Variants in POFUT2 observed in about 807,000 individuals in gnomAD.
POFUT2 encodes protein O-fucosyltransferase 2.
In POFUT2, 30 loss-of-function variants were observed where a neutral mutation model predicts 55.0. The observed-to-expected ratio is 0.55, with a 90% CI of 0.41 to 0.74. The LOEUF (loss-of-function observed/expected upper bound fraction) is 0.74, where lower values mean the gene tolerates loss of function less well. POFUT2 is among the 30% of genes least tolerant of loss of function. The pLI is 0.00. For missense variants in POFUT2, 524 were observed against 562.6 expected (o/e 0.93, Z 0.69); for synonymous variants, 267 against 231.1 (o/e 1.16, Z -1.41).
At chr21:45,283,342 G>C (rs762313884) in intron 3 of POFUT2, 41 bp downstream of exon 3, 3 of 1,229,048 alleles carry the variant, frequency 2.4e-6, no homozygotes, top group South Asian at 1.4e-5. Flanking sequence ...AGGGGGAGGT[G>C]GGGGGGCACC....
In POFUT2 at chr21:45,277,065, C is replaced by T. The variant is rs368658100; in HGVS notation, c.783G>A (p.Thr261=). Residue 261 remains threonine, a synonymous_variant, in exon 6 of 9, where the codon ACG becomes ACA. Coordinates refer to ENST00000349485, the MANE Select transcript of POFUT2 (RefSeq NM_133635.6). The surrounding 1 kb of genome is among the most constrained non-coding windows in gnomAD (Gnocchi z 6.9). ...DEFRSRHLNS[T]DDADRIPFQE... ...GGAAGGGGATCCTGTCTGCGTCGTC[C>T]GTGGAGTTGAGATGTCTGCTCCTGA... 48 of 1,614,098 alleles carry T rather than the reference C, an allele frequency of 3.0e-5. No homozygotes were observed. Among genetic ancestry groups the T allele is most frequent in the East Asian group, 4.5e-5 (2 of 44,876 alleles).
At position 45,267,684 on chromosome 21, in the gene POFUT2, C is replaced by T. The variant is rs368332928; in HGVS notation, c.1042G>A (p.Glu348Lys). ...EYEELKKLLP[E>K]MVRFEPTWEE... is the part of the protein sequence containing the mutation. ...CACGTGGGTTCAAACCTCACCATCT[C>T]GGGTAACAGCTTTTTTAGCTCTTCA... The change falls in exon 8 of 9, where the codon GAG becomes AAG. Residue 348 changes from glutamate to lysine, a missense_variant. Transcript: ENST00000349485. This position sits in a 1 kb window ranked among gnomAD's most constrained non-coding sequence, Gnocchi z 4.4. 2.4e-5 allele frequency: 39 copies of T among 1,614,032 alleles called. No homozygotes were observed. The highest frequency in any genetic ancestry group is 4.5e-5 in the East Asian group (2 of 44,886).
At position 45,264,911 on chromosome 21, in the gene POFUT2, T is replaced by G. The variant is rs1438778729; in HGVS notation, c.*571A>C. The G allele has an allele frequency of 1.3e-5, 2 of 152,318 alleles. No homozygotes were observed. The highest frequency in any genetic ancestry group is 2.9e-5 in the Non-Finnish European group (2 of 68,112). The allele number at this position is 152,318 out of a possible 1,614,324, so 9.4% of individuals were successfully genotyped here. ...CCCTGAGGCCTCAGGCCCTTTCCTT[T>G]GCAGCACCAGGTCTGCCTTGCACGC... On this transcript the variant is annotated 3_prime_UTR_variant, in exon 9 of 9. Transcript: ENST00000349485.
Position 45,267,584 on chromosome 21 carries a change from A to G in POFUT2, c.1136+6T>C, listed in dbSNP as rs2093168311. 6.2e-7 allele frequency: 1 copy of G among 1,614,184 alleles called. No individual in the cohort carries two copies. The highest frequency in any genetic ancestry group is 8.5e-7 in the Non-Finnish European group (1 of 1,180,044). On this transcript the variant is annotated splice_donor_region_variant and intron_variant, in intron 8 of 8. Coordinates refer to ENST00000349485, the MANE Select transcript of POFUT2 (RefSeq NM_133635.6). This position sits in a 1 kb window ranked among gnomAD's most constrained non-coding sequence, Gnocchi z 4.4. ...GCTCTCGGCCGACAGTGACGTGGGC[A>G]GGCACCTGGCGTGTGCGCAGATCCA...
Position 45,267,412 on chromosome 21 carries a change from T to A in POFUT2, c.1136+178A>T. 1 of 1,607,586 alleles carries A rather than the reference T, an allele frequency of 6.2e-7. No individual in the cohort carries two copies. The highest frequency in any genetic ancestry group is 8.5e-7 in the Non-Finnish European group (1 of 1,175,528). On this transcript the variant is annotated intron_variant, in intron 8 of 8. Transcript: ENST00000349485. This position sits in a 1 kb window ranked among gnomAD's most constrained non-coding sequence, Gnocchi z 4.4. Reference sequence around the variant, plus strand: ...AAAGGGGCAAGATGAACAATTAACTTCAGCCCAGGGAAACACTGAACCAGA... The same window carrying A: ...AAAGGGGCAAGATGAACAATTAACTACAGCCCAGGGAAACACTGAACCAGA...
Position 45,282,107 on chromosome 21 carries a change from C to T in POFUT2, c.638+242G>A, listed in dbSNP as rs528615137. ...CCCCTCCCTGTGCACCTGGCCGGGC[C>T]GAGCCCTCACCTCTGTGCCCCTCAC... On this transcript the variant is annotated intron_variant, in intron 4 of 8. Transcript: ENST00000349485. The surrounding 1 kb of genome is among the most constrained non-coding windows in gnomAD (Gnocchi z 4.6). Among the ~76,000 whole-genome samples, 1 of 151,908 alleles carries T rather than the reference C, an allele frequency of 6.6e-6. No individual in the cohort carries two copies. The highest frequency in any genetic ancestry group is 1.5e-5 in the Non-Finnish European group (1 of 67,918).
chr21:45,267,655 C>T lies in POFUT2; in HGVS notation c.1071G>A (p.Glu357=), dbSNP rs1390125915. 6.2e-7 allele frequency: 1 copy of T among 1,614,248 alleles called. No homozygotes were observed. The highest frequency in any genetic ancestry group is 8.5e-7 in the Non-Finnish European group (1 of 1,180,048). Residue 357 remains glutamate, a synonymous_variant, in exon 8 of 9, where the codon GAG becomes GAA. Transcript: ENST00000349485. This position sits in a 1 kb window ranked among gnomAD's most constrained non-coding sequence, Gnocchi z 4.4. ...CTCCGTCCTTGTAGAGCTCCAGCTC[C>T]TCCCACGTGGGTTCAAACCTCACCA... The part of the protein sequence containing the change: ...PEMVRFEPTW[E]ELELYKDGGV...
In POFUT2 at chr21:45,277,361, C is replaced by T. The variant is rs1278697728; in HGVS notation, c.706-219G>A. The T allele has an allele frequency of 5.2e-6, 3 of 571,474 alleles. No homozygotes were observed. The highest frequency in any genetic ancestry group is 9.1e-6 in the Non-Finnish European group (3 of 330,950). 35.4% of individuals were successfully genotyped at this position (571,474 alleles called of 1,614,324 possible). On this transcript the variant is annotated intron_variant, in intron 5 of 8. Coordinates refer to ENST00000349485, the MANE Select transcript of POFUT2 (RefSeq NM_133635.6). This position sits in a 1 kb window ranked among gnomAD's most constrained non-coding sequence, Gnocchi z 6.9. ...CGCAGGGCAAGCCGCCCACCCCTGCCGGCTCTGCCAGCCCCTGCCGTGGGA... is the reference window on the plus strand; with the variant it reads ...CGCAGGGCAAGCCGCCCACCCCTGCTGGCTCTGCCAGCCCCTGCCGTGGGA...
At chr21:45,279,428 T>G (rs1039892269) in intron 4 of POFUT2, among the ~76,000 whole-genome samples, 3 of 152,078 alleles carry the variant, frequency 2.0e-5, no homozygotes, top group Admixed American at 6.5e-5. Context: ...AACAAAAAAA[T>G]GTAATCTCTA....
intron 7 of POFUT2, among the ~76,000 whole-genome samples, chr21:45,268,615 G>A (rs1448378700): frequency 2.6e-5 from 4 of 151,304 alleles, no homozygotes; most frequent in African/African-American, 9.7e-5. Flanking sequence ...CTGAGATGTG[G>A]GGAGCGCCTC....
At position 45,285,366 on chromosome 21, in the gene POFUT2, C is replaced by A. The variant is rs1602235928; in HGVS notation, c.382+312G>T. On this transcript the variant is annotated intron_variant, in intron 2 of 8. Coordinates refer to ENST00000349485, the MANE Select transcript of POFUT2 (RefSeq NM_133635.6). This position sits in a 1 kb window ranked among gnomAD's most constrained non-coding sequence, Gnocchi z 4.9. ...CAGCCTTTCGCACAGGGAGCCGAGTCCTGTCACTATAACACCCAGGGGTGG... is the reference window on the plus strand; with the variant it reads ...CAGCCTTTCGCACAGGGAGCCGAGTACTGTCACTATAACACCCAGGGGTGG... The A allele has an allele frequency of 3.0e-5, 12 of 396,326 alleles. No individual in the cohort carries two copies. The East Asian group carries it at 6.3e-4, about 21-fold the overall frequency. 24.6% of individuals were successfully genotyped at this position (396,326 alleles called of 1,614,324 possible). A position where few individuals can be genotyped will look rare whatever the true frequency, so the allele number is the denominator to read the frequency against.
chr21:45,282,879 C>G lies in POFUT2; in HGVS notation c.528-420G>C. The G allele has an allele frequency of 2.1e-6, 1 of 477,066 alleles. No individual in the cohort carries two copies. Among genetic ancestry groups the G allele is most frequent in the Non-Finnish European group, 4.3e-6 (1 of 231,400 alleles). The allele number at this position is 477,066 out of a possible 1,614,324, so 29.6% of individuals were successfully genotyped here. ...TAACTGACAGCTTTTCCACAGGAGGCCTGGTAGTGTCAGAGCCTTTAATGG... is the reference window on the plus strand; with the variant it reads ...TAACTGACAGCTTTTCCACAGGAGGGCTGGTAGTGTCAGAGCCTTTAATGG... On this transcript the variant is annotated intron_variant, in intron 3 of 8. Coordinates refer to ENST00000349485, the MANE Select transcript of POFUT2 (RefSeq NM_133635.6). The surrounding 1 kb of genome is among the most constrained non-coding windows in gnomAD (Gnocchi z 4.6).
At position 45,277,395 on chromosome 21, in the gene POFUT2, C is replaced by A; in HGVS notation, c.706-253G>T. On this transcript the variant is annotated intron_variant, in intron 5 of 8. Transcript: ENST00000349485. The surrounding 1 kb of genome is among the most constrained non-coding windows in gnomAD (Gnocchi z 6.9). The stretch of plus-strand genomic sequence containing the variant: ...CAGCCCCTGCCGTGGGAAGCTGCGG[C>A]ACACACTGGGCTCAGCTGGCCGTTG... 2.0e-6 allele frequency: 1 copy of A among 498,174 alleles called. No individual in the cohort carries two copies. Among genetic ancestry groups the A allele is most frequent in the African/African-American group, 1.9e-5 (1 of 51,536 alleles). 30.9% of individuals were successfully genotyped at this position (498,174 alleles called of 1,614,324 possible). A position where few individuals can be genotyped will look rare whatever the true frequency, so the allele number is the denominator to read the frequency against.
rs191029289 is a variant in POFUT2, at chr21:45,281,153, G to A, written c.638+1196C>T. Among the ~76,000 whole-genome samples, 41 of 152,104 alleles carry A rather than the reference G, an allele frequency of 2.7e-4. No individual in the cohort carries two copies. The East Asian group carries it at 6.2e-3, about 23-fold the overall frequency. ...CATCATCAGCCTCCTTTTCCACTGCGCCTTTTCCCCCTGCTCCCCGGCAGA... is the reference window on the plus strand; with the variant it reads ...CATCATCAGCCTCCTTTTCCACTGCACCTTTTCCCCCTGCTCCCCGGCAGA... On this transcript the variant is annotated intron_variant, in intron 4 of 8. Coordinates refer to ENST00000349485, the MANE Select transcript of POFUT2 (RefSeq NM_133635.6). This position sits in a 1 kb window ranked among gnomAD's most constrained non-coding sequence, Gnocchi z 5.0.
intron 6 of POFUT2, among the ~76,000 whole-genome samples, chr21:45,276,445 G>A (rs1185448269): frequency 6.6e-6 from 1 of 152,054 alleles, no homozygotes; most frequent in Non-Finnish European, 1.5e-5. Context: ...TTTAAAAAAC[G>A]CTAAAAACAG....
rs200326931 is a variant in POFUT2 at position 45,269,808 on chromosome 21, G to A, written c.1012+31C>T. 9.4e-4 allele frequency: 1,476 copies of A among 1,571,382 alleles called. 2 individuals are homozygous for A. Among genetic ancestry groups the A allele is most frequent in the Admixed American group, 1.3e-3 (64 of 48,936 alleles). On this transcript the variant is annotated intron_variant, in intron 7 of 8. Coordinates refer to ENST00000349485, the MANE Select transcript of POFUT2 (RefSeq NM_133635.6). The stretch of plus-strand genomic sequence containing the variant: ...AATAAAAAAAATAAATTAAAAGAAA[G>A]GAAAGAAACGAAAGCATTGAAGCTC...
chr21:45,277,957 C>T lies in POFUT2; in HGVS notation c.705+146G>A. On this transcript the variant is annotated intron_variant, in intron 5 of 8. Coordinates refer to ENST00000349485, the MANE Select transcript of POFUT2 (RefSeq NM_133635.6). This position sits in a 1 kb window ranked among gnomAD's most constrained non-coding sequence, Gnocchi z 6.9. ...ACGTGAGGCTTGGGGGTGGCACAGT[C>T]ACCGCAGTTGCCCAAATCCATGGCT... 1.3e-6 allele frequency: 1 copy of T among 764,440 alleles called. No individual in the cohort carries two copies. Among genetic ancestry groups the T allele is most frequent in the Non-Finnish European group, 2.3e-6 (1 of 440,004 alleles). The allele number at this position is 764,440 out of a possible 1,614,324, so 47.4% of individuals were successfully genotyped here. A position where few individuals can be genotyped will look rare whatever the true frequency, so the allele number is the denominator to read the frequency against.
At chr21:45,279,992 G>T (rs946719453) in intron 4 of POFUT2, among the ~76,000 whole-genome samples, 1 of 152,174 alleles carries the variant, frequency 6.6e-6, no homozygotes, top group African/African-American at 2.4e-5. Flanking sequence ...GGGTGCCTCC[G>T]GCCCTGCTTC....
intron 7 of POFUT2, among the ~76,000 whole-genome samples, chr21:45,268,193 C>T (rs1008590195): frequency 1.3e-5 from 2 of 152,226 alleles, no homozygotes; most frequent in African/African-American, 2.4e-5. Context: ...CTGTGTTGGC[C>T]GGGCCGGTCT....
Sources: gnomAD v4.1 joint callset for allele counts (sites outside exome capture counted in the v4.1 genomes callset) on GRCh38, gnomAD v4.1.1 for gene constraint, Gnocchi (gnomAD v3.1) non-coding constraint, MANE v1.5 for transcripts, NCBI Gene and HGNC (gene_info 2026-07-23, HGNC 2026-07-21) for gene names.